Variants in PAK4 observed in about 807,000 individuals in gnomAD.
PAK4 encodes p21 (RAC1) activated kinase 4.
A neutral mutation model predicts 53.5 loss-of-function variants in PAK4; 49 were observed. The observed-to-expected ratio is 0.92, with a 90% CI of 0.73 to 1.16. The LOEUF is 1.16. PAK4 is among the 50% of genes most tolerant of loss of function. The probability of loss-of-function intolerance (pLI) is 0.00; values close to 1 mark genes in which losing one functional copy is unlikely to be tolerated. For synonymous variants in PAK4, 376 were observed against 375.6 expected (o/e 1.00, Z -0.01); for missense variants, 824 against 850.7 (o/e 0.97, Z 0.39).
At chr19:39,144,117 T>G (rs1082504) in intron 1 of PAK4, among the ~76,000 whole-genome samples, 1 of 124,458 alleles carries the variant, frequency 8.0e-6, no homozygotes, top group African/African-American at 2.7e-5. Flanking sequence ...GATAGATAGA[T>G]AGACAGACAG....
chr19:39,170,272 G>T (rs528199974), intron 2 of PAK4, among the ~76,000 whole-genome samples: 1 of 152,216 alleles, frequency 6.6e-6, no homozygotes, highest in Admixed American at 6.5e-5. Flanking sequence ...TGAGGAGGAG[G>T]AGGAGAAATT....
At chr19:39,169,479 G>A in intron 1 of PAK4, 53 bp from the exon 3 acceptor site, 4 of 1,289,232 alleles carry the variant, frequency 3.1e-6, no homozygotes, top group South Asian at 2.5e-5. Flanking sequence ...AGGGGCAGAG[G>A]AGGAAGAGAC....
chr19:39,162,001 C>T (rs1156732295), intron 1 of PAK4, among the ~76,000 whole-genome samples: 2 of 152,094 alleles, frequency 1.3e-5, no homozygotes, highest in Non-Finnish European at 2.9e-5. Flanking sequence ...ACTCTGTCGC[C>T]CAGGCTGGAG....
intron 1 of PAK4, 38 bp from the exon 3 acceptor site, chr19:39,169,494 G>A (rs747147972): frequency 2.1e-6 from 3 of 1,420,682 alleles, no homozygotes; most frequent in South Asian, 1.2e-5. Context: ...AGAGACATGG[G>A]CAGGCTCTCA....
chr19:39,173,480 C>T lies in PAK4; in HGVS notation c.664-96C>T. The T allele has an allele frequency of 7.4e-7, 1 of 1,345,202 alleles. No individual in the cohort carries two copies. Among genetic ancestry groups the T allele is most frequent in the South Asian group, 1.4e-5 (1 of 69,526 alleles). 83.3% of individuals were successfully genotyped at this position (1,345,202 alleles called of 1,614,324 possible). ...CCACCGTGCATCTCATCCTGACCAC[C>T]CATGTGTCTGTCCCATCGCTGGGTC... On this transcript the variant is annotated intron_variant, in intron 3 of 8. Coordinates refer to ENST00000358301, the Ensembl canonical transcript of PAK4. This position sits in a 1 kb window ranked among gnomAD's most constrained non-coding sequence, Gnocchi z 6.9.
At position 39,175,510 on chromosome 19, in the gene PAK4, C is replaced by G. The variant is rs1351337606; in HGVS notation, c.1359+72C>G. 2 of 1,472,680 alleles carry G rather than the reference C, an allele frequency of 1.4e-6. No homozygotes were observed. The highest frequency in any genetic ancestry group is 1.8e-6 in the Non-Finnish European group (2 of 1,081,680). The allele number at this position is 1,472,680 out of a possible 1,614,324, so 91.2% of individuals were successfully genotyped here. A position where few individuals can be genotyped will look rare whatever the true frequency, so the allele number is the denominator to read the frequency against. On this transcript the variant is annotated intron_variant, in intron 6 of 8. Coordinates refer to ENST00000358301, the Ensembl canonical transcript of PAK4. The surrounding 1 kb of genome is among the most constrained non-coding windows in gnomAD (Gnocchi z 4.7). ...CGGGGCTTCCCTGCCTCTTCCCATC[C>G]CCTGTGAGGGTAGGTGAGCTCTGAC...
intron 1 of PAK4, among the ~76,000 whole-genome samples, chr19:39,163,364 A>T (rs1017095167): frequency 6.6e-6 from 1 of 152,066 alleles, no homozygotes; most frequent in Non-Finnish European, 1.5e-5. Flanking sequence ...CCTCCCTTCC[A>T]GGGGCAGCAG....
At chr19:39,139,492 G>T (rs1197411437) in intron 1 of PAK4, among the ~76,000 whole-genome samples, 1 of 152,174 alleles carries the variant, frequency 6.6e-6, no homozygotes, top group Non-Finnish European at 1.5e-5. Flanking sequence ...GTTTGCGAAT[G>T]GGGAGGGGAC....
intron 1 of PAK4, among the ~76,000 whole-genome samples, chr19:39,131,392 AGCCAGACTTCCTG>A (rs1187764365): frequency 6.6e-6 from 1 of 152,016 alleles, no homozygotes; most frequent in East Asian, 1.9e-4. Context: ...GCTCGTGGTG[AGCCAGACTTCCTG>A]GCCAGACACC....
rs74532392 is a variant in PAK4 at position 39,133,311 on chromosome 19, C to T, written c.-23+7392C>T. Among the ~76,000 whole-genome samples, 1,033 of 152,252 alleles carry T rather than the reference C, an allele frequency of 6.8e-3. 11 individuals are homozygous for T. The highest frequency in any genetic ancestry group is 0.023 in the African/African-American group (953 of 41,520). On this transcript the variant is annotated intron_variant, in intron 1 of 8. Transcript: ENST00000358301. The stretch of plus-strand genomic sequence containing the variant: ...GACTGTTAGCTGCGTTACTAATAGC[C>T]GTATTATTAATATTATAGCTATGTC...
chr19:39,174,400 A>G (rs141201895), intron 4 of PAK4, among the ~76,000 whole-genome samples: 253 of 150,218 alleles, frequency 1.7e-3, no homozygotes, highest in Non-Finnish European at 2.8e-3. Context: ...CAGCCCACAC[A>G]ACCACCAAGA....
At chr19:39,155,115 A>C (rs901654862) in intron 1 of PAK4, among the ~76,000 whole-genome samples, 1 of 152,094 alleles carries the variant, frequency 6.6e-6, no homozygotes, top group African/African-American at 2.4e-5. Flanking sequence ...GCGCTTGCTC[A>C]CTGTTGTCCC....
At chr19:39,169,500 T>G (rs1161319356) in intron 1 of PAK4, 32 bp from the exon 3 acceptor site, 19 of 1,479,676 alleles carry the variant, frequency 1.3e-5, no homozygotes, top group Non-Finnish European at 1.4e-5. Context: ...ATGGGCAGGC[T>G]CTCACTCACC....
At chr19:39,140,761 C>T (rs2073896456) in intron 1 of PAK4, among the ~76,000 whole-genome samples, 1 of 152,208 alleles carries the variant, frequency 6.6e-6, no homozygotes, top group Admixed American at 6.5e-5. Flanking sequence ...CAGCCTCTCC[C>T]TGCTCCGGCA....
chr19:39,157,774 C>T (rs1021317945), intron 1 of PAK4, among the ~76,000 whole-genome samples: 5 of 152,242 alleles, frequency 3.3e-5, no homozygotes, highest in East Asian at 1.9e-4. Context: ...CTGCTGTTGC[C>T]GGCTAGCCGG....
At chr19:39,177,364 T>C (rs1024470823) in intron 7 of PAK4, among the ~76,000 whole-genome samples, 1 of 152,012 alleles carries the variant, frequency 6.6e-6, no homozygotes, top group African/African-American at 2.4e-5. Context: ...TCACTGTGTC[T>C]CCACTGTGGT....
At chr19:39,182,385 G>C (rs1032827229), downstream of PAK4, 1 of 152,208 alleles carries the variant, frequency 6.6e-6, no homozygotes, top group Non-Finnish European at 1.5e-5. Context: ...TTACCATGCA[G>C]TCAGGATTCT....
chr19:39,171,886 G>A (rs1474529417), intron 2 of PAK4, among the ~76,000 whole-genome samples: 3 of 152,238 alleles, frequency 2.0e-5, no homozygotes, highest in Admixed American at 6.5e-5. Flanking sequence ...CCTGCTGTGC[G>A]CCAGATGCTG....
At chr19:39,131,753 C>T (rs945166993) in intron 1 of PAK4, among the ~76,000 whole-genome samples, 10 of 152,334 alleles carry the variant, frequency 6.6e-5, no homozygotes, top group South Asian at 2.1e-4. Flanking sequence ...GCTGCCTTCC[C>T]GAGGGGCAGT....
Sources: gnomAD v4.1 joint callset for allele counts (sites outside exome capture counted in the v4.1 genomes callset) on GRCh38, gnomAD v4.1.1 for gene constraint, Gnocchi (gnomAD v3.1) non-coding constraint, MANE v1.5 for transcripts, NCBI Gene and HGNC (gene_info 2026-07-23, HGNC 2026-07-21) for gene names.